COL16A1: variants seen among roughly 807,000 people sequenced by gnomAD.
The protein encoded by COL16A1 is collagen type XVI alpha 1 chain, also known as collagen alpha-1(XVI) chain.
In COL16A1, 189 loss-of-function variants were observed where a neutral mutation model predicts 266.3. That is an observed-to-expected ratio of 0.71 (90% confidence interval 0.63 to 0.80). The LOEUF (loss-of-function observed/expected upper bound fraction) is 0.80, where lower values mean the gene tolerates loss of function less well. COL16A1 is among the 30% of genes least tolerant of loss of function. The pLI is 0.00. For synonymous variants in COL16A1, 740 were observed against 782.3 expected, an observed-to-expected ratio of 0.95 and a Z score of 0.90; for missense variants, 1,928 against 2,122.4, an observed-to-expected ratio of 0.91 and a Z score of 1.80.
Position 31,684,847 on chromosome 1 carries a change from C to T in COL16A1, c.2026G>A (p.Gly676Arg), listed in dbSNP as rs1282248073. ...TTCTGCCCCTTCAGTCCACGCTCTCCAGCCTTGCCCTGAGGAGAAAGCATT... is the reference window on the plus strand; with the variant it reads ...TTCTGCCCCTTCAGTCCACGCTCTCTAGCCTTGCCCTGAGGAGAAAGCATT... Reference protein sequence around the residue: ...FGLPGKQGKAGERGLKGQKGD... With the variant: ...FGLPGKQGKARERGLKGQKGD... Residue 676 changes from glycine to arginine, a missense_variant, in exon 30 of 71, where the codon GGA becomes AGA. This residue lies in a region of COL16A1 where 1,552 missense variants were observed against 1,637.2 expected (regional missense o/e 0.95). Transcript: ENST00000373672. 3 of 1,614,082 alleles carry T rather than the reference C, an allele frequency of 1.9e-6. No individual in the cohort carries two copies. Among genetic ancestry groups the T allele is most frequent in the Non-Finnish European group, 2.5e-6 (3 of 1,180,034 alleles).
chr1:31,692,794 AAC>A lies in COL16A1; in HGVS notation c.1084_1085del (p.Val362SerfsTer81), dbSNP rs1196855587. ...GEKGARGNDC[V>X]RISPDAPLQC... ...GAAGTGGGGCATCCGGGGAGATTCG[AAC>A]ACAGTCATTGCCCTGGGAGTAGGGA... On this transcript the variant is annotated frameshift_variant, in exon 14 of 71. Transcript: ENST00000373672. LOFTEE classifies it high-confidence loss of function. 6.2e-7 allele frequency: 1 copy of A among 1,613,886 alleles called. No homozygotes were observed.
At chr1:31,701,780 G>A (rs1308047256) in intron 2 of COL16A1, among the ~76,000 whole-genome samples, 8 of 152,166 alleles carry the variant, frequency 5.3e-5, no homozygotes, top group Non-Finnish European at 7.4e-5. Flanking sequence ...GGTCCTACCA[G>A]CAATGTGTCC....
At chr1:31,665,768 C>A (rs923708231) in intron 54 of COL16A1, 114 bp downstream of exon 54, 2 of 1,599,386 alleles carry the variant, frequency 1.3e-6, no homozygotes, top group Admixed American at 1.7e-5. Context: ...AGGCTCTGGG[C>A]ATGAGGTAGG....
At position 31,697,388 on chromosome 1, in the gene COL16A1, C is replaced by A; in HGVS notation, c.658-88G>T. ...CCAGGAGGCACAGAGATGTCTCTGC[C>A]CCAGGATGTGACCTCAGGGTGTTTC... On this transcript the variant is annotated intron_variant, in intron 6 of 70. Transcript: ENST00000373672. The surrounding 1 kb of genome is among the most constrained non-coding windows in gnomAD (Gnocchi z 4.2). The A allele has an allele frequency of 1.5e-6, 2 of 1,330,722 alleles. No homozygotes were observed. Among genetic ancestry groups the A allele is most frequent in the South Asian group, 1.4e-5 (1 of 74,026 alleles). The allele number at this position is 1,330,722 out of a possible 1,614,324, so 82.4% of individuals were successfully genotyped here.
At chr1:31,654,189 G>T in intron 68 of COL16A1, 146 bp from the exon 69 acceptor site, 1 of 1,227,308 alleles carries the variant, frequency 8.1e-7, no homozygotes, top group Non-Finnish European at 1.1e-6. Context: ...ATGGGGGTGG[G>T]TCTCGCAAGG....
Position 31,684,017 on chromosome 1 carries a change from G to C in COL16A1, c.2284-14C>G, listed in dbSNP as rs988741853. ...ACCGGGTTGGCCCTAAAAGGCATAA[G>C]GTGGCCCATGGAGTCCCCACAGGAG... On this transcript the variant is annotated splice_polypyrimidine_tract_variant and intron_variant, in intron 32 of 70. Transcript: ENST00000373672. 6.2e-7 allele frequency: 1 copy of C among 1,614,210 alleles called. No homozygotes were observed. The highest frequency in any genetic ancestry group is 1.7e-5 in the Admixed American group (1 of 60,026).
At chr1:31,671,758 A>T in intron 47 of COL16A1, 99 bp from the exon 48 acceptor site, 6 of 1,463,178 alleles carry the variant, frequency 4.1e-6, no homozygotes, top group Non-Finnish European at 5.7e-6. Context: ...GGCCAAGGTC[A>T]ACAGAGGGTG....
intron 29 of COL16A1, 86 bp from the exon 30 acceptor site, chr1:31,684,942 AG>A: frequency 6.2e-7 from 1 of 1,603,228 alleles, no homozygotes; most frequent in Non-Finnish European, 8.5e-7. Context: ...GGCATACAAC[AG>A]TAAACAAACA....
rs556334280 is a variant in COL16A1, at chr1:31,661,160, C to T, written c.3772-41G>A. Reference sequence around the variant, plus strand: ...GCAGCTGGAGCTTACCAGACCTTCACTTGACATCCCTACCCCAAGTCAACC... The same window carrying T: ...GCAGCTGGAGCTTACCAGACCTTCATTTGACATCCCTACCCCAAGTCAACC... On this transcript the variant is annotated intron_variant, in intron 60 of 70. Coordinates refer to ENST00000373672, the MANE Select transcript of COL16A1 (RefSeq NM_001856.4). 2.1e-5 allele frequency: 32 copies of T among 1,550,640 alleles called. No individual in the cohort carries two copies. The South Asian group carries it at 3.2e-4, about 16-fold the overall frequency.
At chr1:31,689,259 G>T in intron 23 of COL16A1, 174 bp from the exon 24 acceptor site, 2 of 1,051,640 alleles carry the variant, frequency 1.9e-6, no homozygotes, top group South Asian at 1.7e-5. Context: ...CACATAACAA[G>T]CAGGAGCGTG....
chr1:31,675,334 G>A lies in COL16A1; in HGVS notation c.2773-23C>T, dbSNP rs529887256. 1.9e-6 allele frequency: 3 copies of A among 1,612,098 alleles called. No individual in the cohort carries two copies. In the East Asian group the frequency reaches 6.7e-5, roughly 36 times the overall value. On this transcript the variant is annotated intron_variant, in intron 42 of 70. Coordinates refer to ENST00000373672, the MANE Select transcript of COL16A1 (RefSeq NM_001856.4). ...TCCCTGTAGCCAAGAAGAGACACGAGTGAGTGGGCTCCATCTCTCTAGCCT... is the reference window on the plus strand; with the variant it reads ...TCCCTGTAGCCAAGAAGAGACACGAATGAGTGGGCTCCATCTCTCTAGCCT...
intron 33 of COL16A1, 66 bp from the exon 34 acceptor site, chr1:31,683,814 C>A: frequency 3.1e-6 from 5 of 1,612,074 alleles, no homozygotes; most frequent in Non-Finnish European, 3.4e-6. Context: ...TTCTCCCCAG[C>A]CCCTTCTCCT....
chr1:31,696,064 T>TG, intron 9 of COL16A1, 24 bp downstream of exon 9: 1 of 1,595,640 alleles, frequency 6.3e-7, no homozygotes, highest in Non-Finnish European at 8.6e-7. Context: ...GCAGGTAGGC[T>TG]CCTCCCCCCA....
rs751263760 is a variant in COL16A1, at chr1:31,690,519, T to C, written c.1482+10A>G. 13 of 1,613,826 alleles carry C rather than the reference T, an allele frequency of 8.1e-6. No homozygotes were observed. Among genetic ancestry groups the C allele is most frequent in the Non-Finnish European group, 1.1e-5 (13 of 1,179,908 alleles). ...AGCCGACCCTCCCCCGCTGGATTGG[T>C]GTCACTCACAGGTTTCCCACCAGGG... is the stretch of plus-strand genomic sequence containing the variant. On this transcript the variant is annotated intron_variant, in intron 21 of 70. Transcript: ENST00000373672.
Position 31,664,043 on chromosome 1 carries a change from T to C in COL16A1, c.3555+1129A>G, listed in dbSNP as rs1391130421. 6.6e-6 allele frequency among the ~76,000 whole-genome samples: 1 copy of C among 151,838 alleles called. No individual in the cohort carries two copies. Among genetic ancestry groups the C allele is most frequent in the Non-Finnish European group, 1.5e-5 (1 of 67,976 alleles). On this transcript the variant is annotated intron_variant, in intron 56 of 70. Coordinates refer to ENST00000373672, the MANE Select transcript of COL16A1 (RefSeq NM_001856.4). This position sits in a 1 kb window ranked among gnomAD's most constrained non-coding sequence, Gnocchi z 5.5. ...GAGGGGTCAGCAGAGCCCCAACCAA[T>C]GTTGGCCCCCACTGGCAGTTGGGAT...
Position 31,692,489 on chromosome 1 carries a change from G to T in COL16A1, c.1179C>A (p.Gly393=), listed in dbSNP as rs899289653. The change falls in exon 16 of 71, where the codon GGC becomes GGA. Residue 393 remains glycine, a synonymous_variant. Transcript: ENST00000373672. ...GGCTTGTTACCTTCTCGCCTGTTGA[G>T]CCTGGGAGTCCTGAGGGTCCCTGAG... The part of the protein sequence containing the change: ...SGALGPSGLP[G]STGEKGQKGE... 1.2e-6 allele frequency: 2 copies of T among 1,613,524 alleles called. No homozygotes were observed. Among genetic ancestry groups the T allele is most frequent in the South Asian group, 1.1e-5 (1 of 91,062 alleles).
intron 44 of COL16A1, 80 bp downstream of exon 44, chr1:31,674,927 C>A: frequency 6.4e-7 from 1 of 1,573,790 alleles, no homozygotes; most frequent in South Asian, 1.2e-5. Context: ...CGAGGTGCCA[C>A]ACAGCTGAGC....
At position 31,684,552 on chromosome 1, in the gene COL16A1, G is replaced by C. The variant is rs769913729; in HGVS notation, c.2131C>G (p.Gln711Glu). The C allele has an allele frequency of 6.2e-7, 1 of 1,613,544 alleles. No homozygotes were observed. The highest frequency in any genetic ancestry group is 8.5e-7 in the Non-Finnish European group (1 of 1,179,942). ...TCTCCTTTTGGCCCCGCGGGGCCCT[G>C]AACTCCAGGCTCTCCTGACAGTCCT... Reference protein sequence around the residue: ...RPGLSGEPGVQGPAGPKGEKG... With the variant: ...RPGLSGEPGVEGPAGPKGEKG... The change falls in exon 31 of 71, where the codon CAG becomes GAG. Residue 711 changes from glutamine to glutamate, a missense_variant. Gln to Glu is a conservative substitution (Grantham distance 29). This residue lies in a region of COL16A1 where 1,552 missense variants were observed against 1,637.2 expected (regional missense o/e 0.95). Transcript: ENST00000373672.
intron 11 of COL16A1, among the ~76,000 whole-genome samples, 158 bp from the exon 12 acceptor site, chr1:31,694,328 C>T (rs558619482): frequency 3.9e-5 from 6 of 152,336 alleles, no homozygotes; most frequent in South Asian, 2.1e-4. Flanking sequence ...ACTAGCAAGC[C>T]GATTCCATTT....
Sources: gnomAD v4.1 joint callset for allele counts (sites outside exome capture counted in the v4.1 genomes callset) on GRCh38, gnomAD v4.1.1 for gene constraint, gnomAD v4.1.1 regional missense constraint, Gnocchi (gnomAD v3.1) non-coding constraint, MANE v1.5 for transcripts, NCBI Gene and HGNC (gene_info 2026-07-23, HGNC 2026-07-21) for gene names.